Variants in BRIP1 observed in about 807,000 individuals in gnomAD.
The protein encoded by BRIP1 is BRCA1 interacting DNA helicase 1, also known as Fanconi anemia group J protein.
Under a neutral mutation model 119.7 loss-of-function variants are expected in BRIP1, and 88 were observed. That is an observed-to-expected ratio of 0.74 (90% CI 0.62 to 0.88). The LOEUF is 0.88. Among genes scored for constraint, BRIP1 ranks in the 40% least tolerant of loss-of-function variants. BRIP1 has a pLI of 0.00. For missense variants in BRIP1, 1,259 were observed against 1,455.4 expected, an observed-to-expected ratio of 0.87 and a Z score of 2.20; for synonymous variants, 443 against 496.5, an observed-to-expected ratio of 0.89 and a Z score of 1.43.
intron 6 of BRIP1, among the ~76,000 whole-genome samples, chr17:61,826,105 C>T (rs1017208731): frequency 6.6e-6 from 1 of 152,098 alleles, no homozygotes; most frequent in African/African-American, 2.4e-5. Context: ...GTCACACCTA[C>T]AACTATCTGA....
chr17:61,689,440 G>A lies in BRIP1; in HGVS notation c.2576-3275C>T, dbSNP rs539018119. Among the ~76,000 whole-genome samples, 1 of 152,170 alleles carries A rather than the reference G, an allele frequency of 6.6e-6. No homozygotes were observed. Among genetic ancestry groups the A allele is most frequent in the South Asian group, 2.1e-4 (1 of 4,818 alleles). ...TTTATGACTTGACTTATGGGGCACC[G>A]TCAAGCTGACCAATATACACATTCT... On this transcript the variant is annotated intron_variant, in intron 18 of 19. Coordinates refer to ENST00000259008, the MANE Select transcript of BRIP1 (RefSeq NM_032043.3). The surrounding 1 kb of genome is among the most constrained non-coding windows in gnomAD (Gnocchi z 4.5).
intron 9 of BRIP1, among the ~76,000 whole-genome samples, chr17:61,797,654 A>G (rs1170194610): frequency 6.6e-6 from 1 of 152,030 alleles, no homozygotes; most frequent in African/African-American, 2.4e-5. Context: ...AAATGGCAAA[A>G]TGGGGTGGAA....
At chr17:61,787,211 AAATAT>A (rs1291906929) in intron 10 of BRIP1, among the ~76,000 whole-genome samples, 6 of 47,890 alleles carry the variant, frequency 1.3e-4, no homozygotes, top group Non-Finnish European at 1.8e-4. Flanking sequence ...AAATATATAA[AAATAT>A]ATTATATACT....
chr17:61,686,765 G>A lies in BRIP1; in HGVS notation c.2576-600C>T, dbSNP rs2061371140. 6.6e-6 allele frequency among the ~76,000 whole-genome samples: 1 copy of A among 151,978 alleles called. No individual in the cohort carries two copies. On this transcript the variant is annotated intron_variant, in intron 18 of 19. Coordinates refer to ENST00000259008, the MANE Select transcript of BRIP1 (RefSeq NM_032043.3). The surrounding 1 kb of genome is among the most constrained non-coding windows in gnomAD (Gnocchi z 5.4). ...TATATAATCAAGTTATAAAGGATATGATTTGACCTGTGACATAAAAACTGC... is the reference window on the plus strand; with the variant it reads ...TATATAATCAAGTTATAAAGGATATAATTTGACCTGTGACATAAAAACTGC...
In BRIP1 at chr17:61,832,428, G is replaced by A. The variant is rs755980673; in HGVS notation, c.627+14673C>T. Among the ~76,000 whole-genome samples the A allele has an allele frequency of 3.9e-5, 6 of 152,114 alleles. No individual in the cohort carries two copies. Among genetic ancestry groups the A allele is most frequent in the Non-Finnish European group, 8.8e-5 (6 of 68,014 alleles). ...AAGTCCTCTTTTATAAAGGCAAAAA[G>A]ATAACTGTAAAGTTATATTTTTTAC... On this transcript the variant is annotated intron_variant, in intron 6 of 19. Coordinates refer to ENST00000259008, the MANE Select transcript of BRIP1 (RefSeq NM_032043.3). This position sits in a 1 kb window ranked among gnomAD's most constrained non-coding sequence, Gnocchi z 5.5.
rs1307216411 is a variant in BRIP1 at position 61,825,019 on chromosome 17, C to T, written c.628-16262G>A. Reference sequence around the variant, plus strand: ...AAGGAAGCCCGGCCGGGTGCAGTGGCTCACGCCTGTAATCCCAACACTTTG... The same window carrying T: ...AAGGAAGCCCGGCCGGGTGCAGTGGTTCACGCCTGTAATCCCAACACTTTG... On this transcript the variant is annotated intron_variant, in intron 6 of 19. Transcript: ENST00000259008. This position sits in a 1 kb window ranked among gnomAD's most constrained non-coding sequence, Gnocchi z 4.1. Among the ~76,000 whole-genome samples the T allele has an allele frequency of 1.3e-5, 2 of 152,144 alleles. No individual in the cohort carries two copies. Among genetic ancestry groups the T allele is most frequent in the Admixed American group, 6.5e-5 (1 of 15,272 alleles).
intron 16 of BRIP1, among the ~76,000 whole-genome samples, chr17:61,727,308 C>G (rs1263372727): frequency 6.6e-6 from 1 of 152,074 alleles, no homozygotes; most frequent in Non-Finnish European, 1.5e-5. Flanking sequence ...TGATTAAACC[C>G]TAACATCTAA....
Position 61,861,388 on chromosome 17 carries a change from C to T in BRIP1, c.93+59G>A. ...TGAATGCAGTCAAATACTCAATGTACTTTATGGGTCATAAGTATCTATATC... is the reference window on the plus strand; with the variant it reads ...TGAATGCAGTCAAATACTCAATGTATTTTATGGGTCATAAGTATCTATATC... On this transcript the variant is annotated intron_variant, in intron 2 of 19. Transcript: ENST00000259008. This position sits in a 1 kb window ranked among gnomAD's most constrained non-coding sequence, Gnocchi z 4.5. 1 of 1,128,332 alleles carries T rather than the reference C, an allele frequency of 8.9e-7. No homozygotes were observed. Among genetic ancestry groups the T allele is most frequent in the Non-Finnish European group, 1.3e-6 (1 of 743,042 alleles). 69.9% of individuals were successfully genotyped at this position (1,128,332 alleles called of 1,614,324 possible).
Position 61,807,851 on chromosome 17 carries a change from G to C in BRIP1, c.918+616C>G, listed in dbSNP as rs893124731. ...AAGAAATTATTTGAAAGTCATATAA[G>C]TCTTTAGTAAGAAAGAATTCTCTAT... On this transcript the variant is annotated intron_variant, in intron 7 of 19. Coordinates refer to ENST00000259008, the MANE Select transcript of BRIP1 (RefSeq NM_032043.3). This position sits in a 1 kb window ranked among gnomAD's most constrained non-coding sequence, Gnocchi z 4.5. Among the ~76,000 whole-genome samples the C allele has an allele frequency of 6.6e-6, 1 of 152,016 alleles. No individual in the cohort carries two copies. Among genetic ancestry groups the C allele is most frequent in the African/African-American group, 2.4e-5 (1 of 41,392 alleles).
At chr17:61,712,899 T>C (rs2061801398) in intron 17 of BRIP1, among the ~76,000 whole-genome samples, 1 of 28,650 alleles carries the variant, frequency 3.5e-5, no homozygotes. Flanking sequence ...CGAGACTTCA[T>C]CTCAAAAAAA....
In BRIP1 at chr17:61,695,750, T is replaced by C. The variant is rs1328914274; in HGVS notation, c.2493-2238A>G. On this transcript the variant is annotated intron_variant, in intron 17 of 19. Transcript: ENST00000259008. This position sits in a 1 kb window ranked among gnomAD's most constrained non-coding sequence, Gnocchi z 4.3. The stretch of plus-strand genomic sequence containing the variant: ...CTTTCTGATGTTATTTTAAATGGTA[T>C]TTTTTAAGTTCATTTTTAGATTTTT... 1.3e-5 allele frequency among the ~76,000 whole-genome samples: 2 copies of C among 152,164 alleles called. No homozygotes were observed. Among genetic ancestry groups the C allele is most frequent in the Admixed American group, 6.5e-5 (1 of 15,284 alleles).
chr17:61,842,351 G>A lies in BRIP1; in HGVS notation c.627+4750C>T, dbSNP rs1411806257. On this transcript the variant is annotated intron_variant, in intron 6 of 19. Transcript: ENST00000259008. This position sits in a 1 kb window ranked among gnomAD's most constrained non-coding sequence, Gnocchi z 5.1. ...AACTACAGCTAGATTGGAGAAACAG[G>A]AGGAATAAGTTCTGGTATTCTATAG... 6.6e-6 allele frequency among the ~76,000 whole-genome samples: 1 copy of A among 152,090 alleles called. No individual in the cohort carries two copies. The highest frequency in any genetic ancestry group is 2.4e-5 in the African/African-American group (1 of 41,414).
intron 7 of BRIP1, 78 bp from the exon 8 acceptor site, chr17:61,801,552 G>T: frequency 7.7e-7 from 1 of 1,304,802 alleles, no homozygotes; most frequent in Non-Finnish European, 1.1e-6. Context: ...CTCAGAATTT[G>T]AGGAACATCA....
chr17:61,765,373 TATATA>T (rs1279332210), intron 14 of BRIP1, among the ~76,000 whole-genome samples: 3 of 74,916 alleles, frequency 4.0e-5, no homozygotes, highest in African/African-American at 1.7e-4. Flanking sequence ...TGTGTGTGTG[TATATA>T]TTATATATAT....
rs2077743062 is a variant in BRIP1, at chr17:61,787,389, A to G, written c.1474-2965T>C. On this transcript the variant is annotated intron_variant, in intron 10 of 19. Transcript: ENST00000259008. ...TTATATATAGTTATATACTATATATAGTATATATATTTATATAAAATATTT... is the reference window on the plus strand; with the variant it reads ...TTATATATAGTTATATACTATATATGGTATATATATTTATATAAAATATTT... 1.5e-5 allele frequency among the ~76,000 whole-genome samples: 2 copies of G among 132,680 alleles called. 1 individual carries two copies. Among genetic ancestry groups the G allele is most frequent in the African/African-American group, 5.7e-5 (2 of 35,322 alleles). 87.0% of individuals were successfully genotyped at this position (132,680 alleles called of 152,430 possible).
At chr17:61,838,726 A>C (rs2078613292) in intron 6 of BRIP1, among the ~76,000 whole-genome samples, 1 of 151,838 alleles carries the variant, frequency 6.6e-6, no homozygotes, top group African/African-American at 2.4e-5. Flanking sequence ...AAAATACAAC[A>C]GATAAAATGT....
rs1244810538 is a variant in BRIP1 at position 61,759,786 on chromosome 17, TA to T, written c.2098-15196del. On this transcript the variant is annotated intron_variant, in intron 14 of 19. Transcript: ENST00000259008. This position sits in a 1 kb window ranked among gnomAD's most constrained non-coding sequence, Gnocchi z 4.9. ...CCTTAATTTTAAAATACTTTATTGC[TA>T]AAAAAATGCTGACACAGAGACATGA... is the stretch of plus-strand genomic sequence containing the variant. Among the ~76,000 whole-genome samples the T allele has an allele frequency of 1.3e-5, 2 of 151,348 alleles. No individual in the cohort carries two copies. Among genetic ancestry groups the T allele is most frequent in the South Asian group, 2.1e-4 (1 of 4,794 alleles).
chr17:61,835,298 A>G (rs1024659315), intron 6 of BRIP1, among the ~76,000 whole-genome samples: 8 of 152,314 alleles, frequency 5.3e-5, no homozygotes, highest in South Asian at 4.1e-4. Flanking sequence ...TTGGAGATAA[A>G]TAGTTACAGG....
intron 10 of BRIP1, among the ~76,000 whole-genome samples, chr17:61,786,793 T>C (rs1202501140): frequency 7.6e-6 from 1 of 132,144 alleles, no homozygotes; most frequent in African/African-American, 2.8e-5. Context: ...TAATATAGTA[T>C]ATATTATATA....
Sources: allele counts gnomAD v4.1 joint callset (sites outside exome capture counted in the v4.1 genomes callset), GRCh38; gene constraint gnomAD v4.1.1; non-coding constraint Gnocchi (gnomAD v3.1); transcripts MANE v1.5; gene names NCBI Gene and HGNC (gene_info 2026-07-23, HGNC 2026-07-21).